Variants in TBC1D22A observed in about 807,000 individuals in gnomAD.
TBC1D22A encodes TBC1 domain family member 22A.
Under a neutral mutation model 60.2 loss-of-function variants are expected in TBC1D22A, and 38 were observed. The observed-to-expected ratio is 0.63, with a 90% CI of 0.49 to 0.83. The LOEUF (loss-of-function observed/expected upper bound fraction) is 0.83. Ranked by LOEUF, TBC1D22A falls within the 40% of genes least tolerant of loss-of-function variation. TBC1D22A has a pLI of 0.00. For synonymous variants in TBC1D22A, 302 were observed against 281.7 expected (o/e 1.07, Z -0.72); for missense variants, 628 against 701.0 (o/e 0.90, Z 1.18).
intron 12 of TBC1D22A, among the ~76,000 whole-genome samples, chr22:47,158,478 C>T (rs116940386): frequency 2.6e-5 from 4 of 152,116 alleles, no homozygotes; most frequent in Admixed American, 2.0e-4. Context: ...AGTTCCCCCC[C>T]CAATCTGAAA....
intron 8 of TBC1D22A, among the ~76,000 whole-genome samples, chr22:46,968,119 G>A (rs2073896773): frequency 2.0e-5 from 3 of 152,236 alleles, no homozygotes; most frequent in Admixed American, 1.3e-4. Flanking sequence ...CCCACGCACT[G>A]CGTGGCATGG....
chr22:46,796,149 G>T (rs1671790144), intron 3 of TBC1D22A, among the ~76,000 whole-genome samples: 1 of 152,152 alleles, frequency 6.6e-6, no homozygotes, highest in Admixed American at 6.5e-5. Flanking sequence ...CTGGGGGTTG[G>T]GGGGAGTCAG....
chr22:47,076,604 A>G (rs193109296), intron 11 of TBC1D22A, among the ~76,000 whole-genome samples: 12 of 151,820 alleles, frequency 7.9e-5, no homozygotes, highest in African/African-American at 2.9e-4. Flanking sequence ...CAGGGAAACT[A>G]TGTGAGGACT....
At chr22:46,808,614 G>A (rs1258403611) in intron 4 of TBC1D22A, among the ~76,000 whole-genome samples, 1 of 151,246 alleles carries the variant, frequency 6.6e-6, no homozygotes, top group Non-Finnish European at 1.5e-5. Flanking sequence ...TTTTTTTTTG[G>A]GAGACAGTCT....
chr22:47,133,021 C>T (rs1045227108), intron 12 of TBC1D22A, among the ~76,000 whole-genome samples: 30 of 152,174 alleles, frequency 2.0e-4, no homozygotes, highest in African/African-American at 7.0e-4. Context: ...GCCAAGTGTG[C>T]TCATTGAGAT....
intron 10 of TBC1D22A, among the ~76,000 whole-genome samples, chr22:47,012,453 C>T (rs866743097): frequency 6.6e-5 from 10 of 152,204 alleles, no homozygotes; most frequent in African/African-American, 2.4e-4. Flanking sequence ...TGTCAGGCCC[C>T]TCACTGTCGT....
At chr22:47,104,959 G>A (rs2065576831) in intron 11 of TBC1D22A, among the ~76,000 whole-genome samples, 1 of 151,776 alleles carries the variant, frequency 6.6e-6, no homozygotes, top group African/African-American at 2.4e-5. Context: ...CCAAACCAGT[G>A]TATTTCTTAA....
chr22:46,996,089 C>T (rs1019534081), intron 9 of TBC1D22A, among the ~76,000 whole-genome samples: 1 of 152,250 alleles, frequency 6.6e-6, no homozygotes, highest in African/African-American at 2.4e-5. Flanking sequence ...CCCTCAGGCG[C>T]ACAGGCAGCA....
At chr22:47,008,869 AT>A (rs1260915054) in intron 10 of TBC1D22A, among the ~76,000 whole-genome samples, 1 of 152,188 alleles carries the variant, frequency 6.6e-6, no homozygotes, top group Non-Finnish European at 1.5e-5. Flanking sequence ...TTAGAAGGAA[AT>A]TAGTTCCCTA....
In TBC1D22A at chr22:46,974,412, G is replaced by A. The variant is rs199739653; in HGVS notation, c.1125+13G>A. 56 of 1,598,462 alleles carry A rather than the reference G, an allele frequency of 3.5e-5. No individual in the cohort carries two copies. Among genetic ancestry groups the A allele is most frequent in the Admixed American group, 1.7e-4 (10 of 58,258 alleles). Reference sequence around the variant, plus strand: ...GGATGGCATTCAGGTGAGCGCCCGCGCCCACGGGACACAGCCCACGCCCAC... The same window carrying A: ...GGATGGCATTCAGGTGAGCGCCCGCACCCACGGGACACAGCCCACGCCCAC... On this transcript the variant is annotated intron_variant, in intron 9 of 12. Coordinates refer to ENST00000337137, the MANE Select transcript of TBC1D22A (RefSeq NM_014346.5).
chr22:47,151,791 A>G (rs1295109102), intron 12 of TBC1D22A, among the ~76,000 whole-genome samples: 2 of 152,180 alleles, frequency 1.3e-5, no homozygotes, highest in Admixed American at 1.3e-4. Context: ...GAGAGCATAA[A>G]GCCACCATGC....
At chr22:46,779,637 G>A (rs934245431) in intron 1 of TBC1D22A, among the ~76,000 whole-genome samples, 1 of 152,064 alleles carries the variant, frequency 6.6e-6, no homozygotes, top group Non-Finnish European at 1.5e-5. Context: ...TGTTATGTGC[G>A]GGAAAAAATC....
intron 11 of TBC1D22A, among the ~76,000 whole-genome samples, chr22:47,048,513 G>A (rs2063102101): frequency 6.6e-6 from 1 of 152,186 alleles, no homozygotes; most frequent in Non-Finnish European, 1.5e-5. Context: ...AAAGGGTGAA[G>A]GGCACAGCAG....
intron 4 of TBC1D22A, among the ~76,000 whole-genome samples, chr22:46,863,155 C>T (rs1164262161): frequency 6.6e-6 from 1 of 152,148 alleles, no homozygotes; most frequent in Admixed American, 6.5e-5. Context: ...GGAGTGAAGG[C>T]AACATGCGCC....
intron 8 of TBC1D22A, among the ~76,000 whole-genome samples, chr22:46,928,312 G>T (rs2071164282): frequency 1.3e-5 from 2 of 152,204 alleles, no homozygotes. Context: ...AATGCCAAGA[G>T]AATTCAATGA....
chr22:46,887,387 T>C (rs1175590933), intron 5 of TBC1D22A, among the ~76,000 whole-genome samples: 1 of 152,244 alleles, frequency 6.6e-6, no homozygotes, highest in Non-Finnish European at 1.5e-5. Context: ...AGAGTCACTT[T>C]GAAAATTCTT....
chr22:46,826,103 G>T (rs570881091), intron 4 of TBC1D22A, among the ~76,000 whole-genome samples: 1 of 151,786 alleles, frequency 6.6e-6, no homozygotes, highest in Admixed American at 6.6e-5. Context: ...TGATGGTCTC[G>T]ATCTCCTGAC....
chr22:46,962,077 G>T (rs2073536875), intron 8 of TBC1D22A, among the ~76,000 whole-genome samples: 1 of 152,224 alleles, frequency 6.6e-6, no homozygotes. Context: ...CCGGCCCTCT[G>T]GTCCTGGGGG....
chr22:46,872,210 T>C (rs948128352), intron 4 of TBC1D22A, among the ~76,000 whole-genome samples: 1 of 152,194 alleles, frequency 6.6e-6, no homozygotes, highest in African/African-American at 2.4e-5. Flanking sequence ...CGGTGAACTG[T>C]ATCAAACATT....
Sources: gnomAD v4.1 joint callset for allele counts (sites outside exome capture counted in the v4.1 genomes callset) on GRCh38, gnomAD v4.1.1 for gene constraint, MANE v1.5 for transcripts, NCBI Gene and HGNC (gene_info 2026-07-23, HGNC 2026-07-21) for gene names.